Variants in ZDHHC7 observed in about 807,000 individuals in gnomAD.
ZDHHC7 encodes zDHHC palmitoyltransferase 7.
Under a neutral mutation model 34.1 loss-of-function variants are expected in ZDHHC7, and 12 were observed. The observed-to-expected ratio is 0.35, with a 90% CI of 0.23 to 0.57. The LOEUF is 0.57. Ranked by LOEUF, ZDHHC7 falls within the 20% of genes least tolerant of loss-of-function variation. The probability of loss-of-function intolerance (pLI) is 0.84; values close to 1 mark genes in which losing one functional copy is unlikely to be tolerated. For synonymous variants in ZDHHC7, 185 were observed against 155.4 expected (o/e 1.19, Z -1.42); for missense variants, 388 against 402.7 (o/e 0.96, Z 0.31).
At chr16:85,013,366 C>T (rs2072818944), upstream of ZDHHC7, among the ~76,000 whole-genome samples, 1 of 152,036 alleles carries the variant, frequency 6.6e-6, no homozygotes. Context: ...CCTCAACCTC[C>T]TGAGTAGCTG....
intron 2 of ZDHHC7, among the ~76,000 whole-genome samples, chr16:84,992,783 G>C (rs2072528095): frequency 6.6e-6 from 1 of 152,150 alleles, no homozygotes; most frequent in Non-Finnish European, 1.5e-5. Context: ...TCAGAGGTCA[G>C]GTCACTACAA....
the ZDHHC7 span, among the ~76,000 whole-genome samples, chr16:85,023,056 C>A: frequency 6.6e-6 from 1 of 152,268 alleles, no homozygotes; most frequent in East Asian, 1.9e-4. Flanking sequence ...AGAAGACAAA[C>A]AATTCTCCCC....
intron 4 of ZDHHC7, 124 bp from the exon 5 acceptor site, chr16:84,979,409 A>G: frequency 7.5e-7 from 1 of 1,334,266 alleles, no homozygotes; most frequent in South Asian, 1.4e-5. Flanking sequence ...GTCAAAAAAT[A>G]TCATACATTC....
chr16:84,976,576 C>T lies in ZDHHC7; in HGVS notation c.751-57G>A, dbSNP rs1036222900. 16 of 1,582,180 alleles carry T rather than the reference C, an allele frequency of 1.0e-5. No homozygotes were observed. In the South Asian group the frequency reaches 1.6e-4, roughly 16 times the overall value. On this transcript the variant is annotated intron_variant, in intron 7 of 7. Transcript: ENST00000313732. ...GCTCCAGGAAGCTCGGCAGACCCCA[C>T]CAAGCCTCAGAATCACACCGTGCTC...
At chr16:84,988,616 G>C in intron 3 of ZDHHC7, 1 of 702,714 alleles carries the variant, frequency 1.4e-6, no homozygotes, top group East Asian at 2.8e-5. Flanking sequence ...GCAGGAGCGG[G>C]GTGGGAGCAG....
chr16:85,013,738 G>C (rs1383230525), upstream of ZDHHC7, among the ~76,000 whole-genome samples: 4 of 152,068 alleles, frequency 2.6e-5, no homozygotes, highest in Non-Finnish European at 5.9e-5. Flanking sequence ...TCCCAGGCTG[G>C]AGTGCAGTGG....
chr16:84,995,197 C>T (rs76237503), intron 2 of ZDHHC7, among the ~76,000 whole-genome samples: 131 of 152,296 alleles, frequency 8.6e-4, no homozygotes, highest in African/African-American at 2.8e-3. Flanking sequence ...CCCTAATGGC[C>T]GATTTAATGG....
At chr16:84,986,677 C>T (rs533943959) in intron 3 of ZDHHC7, among the ~76,000 whole-genome samples, 2 of 152,330 alleles carry the variant, frequency 1.3e-5, no homozygotes, top group East Asian at 1.9e-4. Flanking sequence ...TTCCCCTCCA[C>T]TCCTCACTCA....
rs80330099 is a variant in ZDHHC7, at chr16:84,977,018, A to G, written c.750+77T>C. ...TTCCCGAGTCAGTCCACAGGCACCT[A>G]TTGTTGACATTAGGACTTTTCATTT... On this transcript the variant is annotated intron_variant, in intron 7 of 7. Coordinates refer to ENST00000313732, the MANE Select transcript of ZDHHC7 (RefSeq NM_017740.3). The G allele has an allele frequency of 4.2e-3, 6,551 of 1,578,022 alleles. 15 individuals are homozygous for G. Among genetic ancestry groups the G allele is most frequent in the Non-Finnish European group, 5.1e-3 (5,973 of 1,160,526 alleles).
chr16:84,977,229 C>T lies in ZDHHC7; in HGVS notation c.620-4G>A, dbSNP rs541409742. On this transcript the variant is annotated splice_polypyrimidine_tract_variant and splice_region_variant and intron_variant, in intron 6 of 7. Coordinates refer to ENST00000313732, the MANE Select transcript of ZDHHC7 (RefSeq NM_017740.3). ...GGAGGTGAAAAATCACTGCATTCTG[C>T]GGACAAGAGGAAGTTGGTTATAACT... is the stretch of plus-strand genomic sequence containing the variant. The T allele has an allele frequency of 6.8e-6, 11 of 1,613,824 alleles. No homozygotes were observed. Among genetic ancestry groups the T allele is most frequent in the Admixed American group, 5.0e-5 (3 of 59,988 alleles).
chr16:85,016,088 T>C (rs2072833049), upstream of ZDHHC7, among the ~76,000 whole-genome samples: 1 of 152,170 alleles, frequency 6.6e-6, no homozygotes, highest in Non-Finnish European at 1.5e-5. Flanking sequence ...TAAACTAGTT[T>C]TTCAGGTGAG....
intron 3 of ZDHHC7, among the ~76,000 whole-genome samples, chr16:84,984,581 T>A (rs2072412872): frequency 6.6e-6 from 1 of 152,176 alleles, no homozygotes; most frequent in Admixed American, 6.5e-5. Flanking sequence ...TACCCCAGTT[T>A]TTGGTCACTT....
Position 84,981,045 on chromosome 16 carries a change from C to G in ZDHHC7, c.440+825G>C, listed in dbSNP as rs139749627. Among the ~76,000 whole-genome samples, 366 of 152,336 alleles carry G rather than the reference C, an allele frequency of 2.4e-3. 2 individuals carry two copies. Among genetic ancestry groups the G allele is most frequent in the African/African-American group, 8.4e-3 (350 of 41,568 alleles). ...AGGCCACGACCCCCCAGGAGAAGGGCACTGTCCAGGTGCAGCCTGTCACAC... is the reference window on the plus strand; with the variant it reads ...AGGCCACGACCCCCCAGGAGAAGGGGACTGTCCAGGTGCAGCCTGTCACAC... On this transcript the variant is annotated intron_variant, in intron 4 of 7. Transcript: ENST00000313732.
intron 1 of ZDHHC7, among the ~76,000 whole-genome samples, chr16:85,006,251 C>G (rs374296142): frequency 7.2e-5 from 11 of 152,060 alleles, no homozygotes; most frequent in East Asian, 3.9e-4. Flanking sequence ...CCCAGCTACT[C>G]GAGAGGCTGA....
At position 84,990,424 on chromosome 16, in the gene ZDHHC7, C is replaced by T. The variant is rs1298103777; in HGVS notation, c.195G>A (p.Val65=). The stretch of plus-strand genomic sequence containing the variant: ...TGGAAGGCAGCAGCATGACGAAAGT[C>T]ACCACGAAGTCTGCATAGGCGACCA... The part of the protein sequence containing the change: ...WLLVAYADFV[V]TFVMLLPSKD... The change falls in exon 3 of 8, where the codon GTG becomes GTA. Residue 65 remains valine (V), a synonymous_variant. Coordinates refer to ENST00000313732, the MANE Select transcript of ZDHHC7 (RefSeq NM_017740.3). 6.2e-7 allele frequency: 1 copy of T among 1,614,054 alleles called. No homozygotes were observed. The highest frequency in any genetic ancestry group is 1.3e-5 in the African/African-American group (1 of 74,938).
intron 1 of ZDHHC7, among the ~76,000 whole-genome samples, chr16:85,000,374 T>C (rs1226240360): frequency 6.6e-6 from 1 of 152,190 alleles, no homozygotes; most frequent in Non-Finnish European, 1.5e-5. Context: ...TTCAAGCAAG[T>C]GTCTTAAGCT....
At chr16:84,976,862 T>G (rs957682278) in intron 7 of ZDHHC7, among the ~76,000 whole-genome samples, 5 of 152,224 alleles carry the variant, frequency 3.3e-5, no homozygotes, top group African/African-American at 1.2e-4. Flanking sequence ...CTGACTGCAC[T>G]GGGAGCTGGG....
At chr16:85,000,477 T>C (rs1191490884) in intron 1 of ZDHHC7, among the ~76,000 whole-genome samples, 2 of 152,232 alleles carry the variant, frequency 1.3e-5, no homozygotes, top group Non-Finnish European at 2.9e-5. Context: ...CAGTATTCTC[T>C]GGTGATCAGT....
chr16:84,989,059 G>A (rs766336396), intron 3 of ZDHHC7, among the ~76,000 whole-genome samples: 4 of 152,166 alleles, frequency 2.6e-5, no homozygotes, highest in African/African-American at 9.7e-5. Flanking sequence ...GAGACCTGCC[G>A]CGTAAAAGGA....
Sources: allele counts gnomAD v4.1 joint callset (sites outside exome capture counted in the v4.1 genomes callset), GRCh38; gene constraint gnomAD v4.1.1; transcripts MANE v1.5; gene names NCBI Gene and HGNC (gene_info 2026-07-23, HGNC 2026-07-21).